The following PCNX2 variants were observed in gnomAD, a reference collection of about 807,000 sequenced individuals.
PCNX2 encodes pecanex 2, also known as pecanex-like protein 2.
PCNX2 carries 168 observed loss-of-function variants against 223.8 expected under a neutral mutation model. The ratio of observed to expected loss-of-function variants is 0.75; its 90% CI spans 0.66 to 0.85. PCNX2 has a LOEUF of 0.85. Ranked by LOEUF, PCNX2 falls within the 40% of genes least tolerant of loss-of-function variation. The pLI is 0.00. For synonymous variants in PCNX2, 1,006 were observed against 1,052.6 expected, an observed-to-expected ratio of 0.96 and a Z score of 0.86; for missense variants, 2,507 against 2,675.5, an observed-to-expected ratio of 0.94 and a Z score of 1.39.
intron 12 of PCNX2, among the ~76,000 whole-genome samples, chr1:233,211,469 C>G (rs1159105308): frequency 6.6e-6 from 1 of 152,132 alleles, no homozygotes; most frequent in Non-Finnish European, 1.5e-5. Context: ...ACAACAGCCA[C>G]AACAGCTAAT....
chr1:233,008,910 G>A (rs1670372110), intron 28 of PCNX2, among the ~76,000 whole-genome samples: 1 of 152,218 alleles, frequency 6.6e-6, no homozygotes, highest in Non-Finnish European at 1.5e-5. Flanking sequence ...TAGGTGAGAA[G>A]GTGGATGCCC....
chr1:233,277,943 G>T (rs1660998353), intron 1 of PCNX2, among the ~76,000 whole-genome samples: 1 of 152,094 alleles, frequency 6.6e-6, no homozygotes, highest in Admixed American at 6.5e-5. Context: ...AGGAAAGCCT[G>T]GATACAAACT....
chr1:233,184,199 C>G (rs1679966996), intron 15 of PCNX2, among the ~76,000 whole-genome samples: 1 of 152,132 alleles, frequency 6.6e-6, no homozygotes, highest in Non-Finnish European at 1.5e-5. Flanking sequence ...AAATGAGTAA[C>G]TAAGACCCTA....
intron 1 of PCNX2, among the ~76,000 whole-genome samples, chr1:233,267,270 TCGCA>T (rs199669047): frequency 0.099 from 15,053 of 152,070 alleles, 904 homozygotes; most frequent in South Asian, 0.19. Flanking sequence ...TGAGCCAAGA[TCGCA>T]CGCACCATTG....
At chr1:233,065,081 G>A (rs1216143694) in intron 23 of PCNX2, among the ~76,000 whole-genome samples, 1 of 152,096 alleles carries the variant, frequency 6.6e-6, no homozygotes, top group East Asian at 1.9e-4. Flanking sequence ...TCATGACAGG[G>A]TCTGAATCAA....
At chr1:233,004,451 C>G (rs1020494831) in intron 28 of PCNX2, among the ~76,000 whole-genome samples, 2 of 150,694 alleles carry the variant, frequency 1.3e-5, no homozygotes, top group African/African-American at 5.0e-5. Context: ...AGAGGAAGAA[C>G]AGTTTCTCCT....
chr1:233,144,253 C>T (rs534147717), intron 19 of PCNX2, among the ~76,000 whole-genome samples: 168 of 152,214 alleles, frequency 1.1e-3, no homozygotes, highest in African/African-American at 3.9e-3. Flanking sequence ...CCAGGCACTA[C>T]CCGGAAAATA....
intron 25 of PCNX2, chr1:233,033,191 TCA>T: frequency 1.0e-6 from 1 of 985,408 alleles, no homozygotes; most frequent in Non-Finnish European, 1.2e-6. Flanking sequence ...GTTTGCACTG[TCA>T]CACCTTTGTC....
chr1:232,992,705 A>G (rs1403015696), intron 32 of PCNX2, among the ~76,000 whole-genome samples: 3 of 152,122 alleles, frequency 2.0e-5, no homozygotes, highest in Non-Finnish European at 2.9e-5. Context: ...TCTCCACCCA[A>G]ATTTGATCTT....
chr1:233,130,059 G>A (rs1455810078), intron 21 of PCNX2, among the ~76,000 whole-genome samples: 1 of 151,998 alleles, frequency 6.6e-6, no homozygotes, highest in African/African-American at 2.4e-5. Flanking sequence ...CTGCAGGAAT[G>A]AACAACTCCA....
chr1:233,256,488 G>C (rs867860729), intron 5 of PCNX2, among the ~76,000 whole-genome samples: 1 of 152,132 alleles, frequency 6.6e-6, no homozygotes, highest in South Asian at 2.1e-4. Context: ...CTTCTGGGAA[G>C]GCCTTCATGC....
chr1:233,056,055 G>A (rs1004603603), intron 24 of PCNX2, among the ~76,000 whole-genome samples: 1 of 152,166 alleles, frequency 6.6e-6, no homozygotes, highest in African/African-American at 2.4e-5. Context: ...ATGATTAATG[G>A]AAAGAAACTG....
At chr1:233,110,073 A>C (rs905180028) in intron 21 of PCNX2, among the ~76,000 whole-genome samples, 1 of 152,194 alleles carries the variant, frequency 6.6e-6, no homozygotes, top group Non-Finnish European at 1.5e-5. Context: ...TGGGTGACAG[A>C]GGGAGACCCT....
At chr1:233,285,778 T>C (rs1661418005) in intron 1 of PCNX2, among the ~76,000 whole-genome samples, 1 of 152,254 alleles carries the variant, frequency 6.6e-6, no homozygotes, top group Non-Finnish European at 1.5e-5. Context: ...CTGATCCATA[T>C]ACAACTAATG....
At chr1:233,247,188 C>T (rs1229108358) in intron 8 of PCNX2, among the ~76,000 whole-genome samples, 1 of 152,192 alleles carries the variant, frequency 6.6e-6, no homozygotes, top group African/African-American at 2.4e-5. Context: ...ACTGCTTTTC[C>T]AGAGCTGCCT....
Position 232,986,266 on chromosome 1 carries a change from G to T in PCNX2, c.6066C>A (p.Gly2022=). ...AGCTCAGGGTGGAGCTGGTGGAGGAGCCCAGGCTGGACCTGATGAGCGCCT... is the reference window on the plus strand; with the variant it reads ...AGCTCAGGGTGGAGCTGGTGGAGGATCCCAGGCTGGACCTGATGAGCGCCT... ...RAEALIRSSL[G]SSTSSTLSFL... is the part of the protein sequence containing the mutation. Residue 2022 remains glycine (G), a synonymous_variant, in exon 33 of 34, where the codon GGC becomes GGA. Coordinates refer to ENST00000258229, the MANE Select transcript of PCNX2 (RefSeq NM_014801.4). The T allele has an allele frequency of 1.3e-6, 2 of 1,561,866 alleles. No individual in the cohort carries two copies. Among genetic ancestry groups the T allele is most frequent in the Non-Finnish European group, 1.7e-6 (2 of 1,153,274 alleles).
the PCNX2 span, among the ~76,000 whole-genome samples, chr1:233,326,301 AG>A: frequency 2.0e-5 from 3 of 152,204 alleles, no homozygotes; most frequent in Admixed American, 6.5e-5. Flanking sequence ...TTAAATAGTT[AG>A]ATTACTTATA....
intron 15 of PCNX2, among the ~76,000 whole-genome samples, chr1:233,195,179 T>C (rs1680653582): frequency 6.6e-6 from 1 of 152,120 alleles, no homozygotes; most frequent in Admixed American, 6.5e-5. Flanking sequence ...CACTGAACAA[T>C]TTATGTAATT....
chr1:232,987,196 C>G (rs1368303639), intron 32 of PCNX2, among the ~76,000 whole-genome samples: 2 of 152,220 alleles, frequency 1.3e-5, no homozygotes, highest in African/African-American at 4.8e-5. Context: ...CCTCAGGGGC[C>G]CTGCCACCCC....
Sources: gnomAD v4.1 joint callset for allele counts (sites outside exome capture counted in the v4.1 genomes callset) on GRCh38, gnomAD v4.1.1 for gene constraint, MANE v1.5 for transcripts, NCBI Gene and HGNC (gene_info 2026-07-23, HGNC 2026-07-21) for gene names.